RAPGEF5: variants seen among roughly 807,000 people sequenced by gnomAD.
RAPGEF5 encodes the protein Rap guanine nucleotide exchange factor 5, also known as M-Ras-regulated GEF.
In RAPGEF5, 65 loss-of-function variants were observed where a neutral mutation model predicts 125.2. The ratio of observed to expected loss-of-function variants is 0.52; its 90% CI spans 0.43 to 0.64. RAPGEF5 has a LOEUF of 0.64. RAPGEF5 is among the 30% of genes least tolerant of loss of function. RAPGEF5 has a pLI of 0.00. For missense variants in RAPGEF5, 958 were observed against 1,048.1 expected (o/e 0.91, Z 1.19); for synonymous variants, 391 against 385.9 (o/e 1.01, Z -0.16).
intron 9 of RAPGEF5, among the ~76,000 whole-genome samples, chr7:22,206,108 G>C (rs1158201415): frequency 6.6e-6 from 1 of 152,144 alleles, no homozygotes; most frequent in African/African-American, 2.4e-5. Context: ...GAATCTGGGG[G>C]GAAGGGTGTC....
intron 14 of RAPGEF5, among the ~76,000 whole-genome samples, chr7:22,158,317 T>C (rs907825580): frequency 6.6e-6 from 1 of 152,190 alleles, no homozygotes; most frequent in African/African-American, 2.4e-5. Context: ...AGGCACATCT[T>C]CTCCAGGATG....
intron 7 of RAPGEF5, among the ~76,000 whole-genome samples, chr7:22,247,247 T>C (rs1477820518): frequency 6.6e-6 from 1 of 152,128 alleles, no homozygotes; most frequent in Non-Finnish European, 1.5e-5. Context: ...CAAAAGAAAA[T>C]AAATCGTTCT....
chr7:22,128,904 T>A (rs1244488270), intron 24 of RAPGEF5, among the ~76,000 whole-genome samples: 1 of 152,246 alleles, frequency 6.6e-6, no homozygotes, highest in Non-Finnish European at 1.5e-5. Context: ...ATTTATGCCA[T>A]GCTATTCCCT....
intron 7 of RAPGEF5, among the ~76,000 whole-genome samples, chr7:22,247,777 T>C (rs140123080): frequency 6.6e-6 from 1 of 151,964 alleles, no homozygotes; most frequent in Non-Finnish European, 1.5e-5. Flanking sequence ...ATATATACCA[T>C]GAAATACTAT....
At chr7:22,161,086 T>C (rs1270596623) in intron 13 of RAPGEF5, among the ~76,000 whole-genome samples, 2 of 150,032 alleles carry the variant, frequency 1.3e-5, no homozygotes, top group Non-Finnish European at 3.0e-5. Context: ...CGGGCGCCTG[T>C]AATCCCCAGC....
chr7:22,205,740 T>A (rs983262453), intron 9 of RAPGEF5, among the ~76,000 whole-genome samples: 5 of 152,234 alleles, frequency 3.3e-5, no homozygotes, highest in Admixed American at 3.3e-4. Flanking sequence ...GATTTGGGAA[T>A]TCCAGATTTT....
intron 9 of RAPGEF5, 66 bp downstream of exon 9, chr7:22,219,800 C>T (rs780605811): frequency 2.2e-5 from 33 of 1,505,014 alleles, no homozygotes; most frequent in African/African-American, 2.8e-5. Flanking sequence ...TTCGTTCAAA[C>T]ATGCAATCAG....
At chr7:22,218,512 C>A (rs1488453273) in intron 9 of RAPGEF5, among the ~76,000 whole-genome samples, 1 of 152,160 alleles carries the variant, frequency 6.6e-6, no homozygotes, top group Non-Finnish European at 1.5e-5. Flanking sequence ...TTCATATCAT[C>A]AATTGTTAAG....
chr7:22,160,119 A>G (rs1423233071), intron 14 of RAPGEF5, among the ~76,000 whole-genome samples: 1 of 152,152 alleles, frequency 6.6e-6, no homozygotes, highest in East Asian at 1.9e-4. Context: ...AAAAAATAAA[A>G]TAAAATAAAA....
At chr7:22,280,826 ATC>A (rs1293101706) in intron 6 of RAPGEF5, among the ~76,000 whole-genome samples, 4 of 152,190 alleles carry the variant, frequency 2.6e-5, no homozygotes, top group Non-Finnish European at 5.9e-5. Flanking sequence ...TATGAGTTTA[ATC>A]TCTGACATCT....
intron 1 of RAPGEF5, among the ~76,000 whole-genome samples, chr7:22,323,191 AGTCT>A (rs1783750197): frequency 6.6e-6 from 1 of 152,220 alleles, no homozygotes; most frequent in Admixed American, 6.5e-5. Flanking sequence ...CTTCAGAAAG[AGTCT>A]ACCCTTTTAA....
intron 9 of RAPGEF5, among the ~76,000 whole-genome samples, chr7:22,200,347 G>T (rs1785248024): frequency 6.6e-6 from 1 of 152,120 alleles, no homozygotes; most frequent in Non-Finnish European, 1.5e-5. Flanking sequence ...AATATTGCTG[G>T]CAAGATAGAA....
rs180871876 is a variant in RAPGEF5, at chr7:22,141,063, A to G, written c.2187-948T>C. ...TCTGACCTCTCCACCAATGTCTCAC[A>G]TGGAATCTGGGAATAGTGTAGATCT... On this transcript the variant is annotated intron_variant, in intron 20 of 25. Coordinates refer to ENST00000665637, the MANE Select transcript of RAPGEF5 (RefSeq NM_012294.5). 3.8e-3 allele frequency among the ~76,000 whole-genome samples: 574 copies of G among 151,890 alleles called. 5 individuals are homozygous for G. The highest frequency in any genetic ancestry group is 0.024 in the South Asian group (118 of 4,826).
At chr7:22,287,029 G>A (rs1324915765) in intron 6 of RAPGEF5, among the ~76,000 whole-genome samples, 1 of 152,210 alleles carries the variant, frequency 6.6e-6, no homozygotes, top group African/African-American at 2.4e-5. Context: ...AAGCTGATAA[G>A]TTAGAATGCG....
At chr7:22,224,650 G>A (rs1785873225) in intron 8 of RAPGEF5, among the ~76,000 whole-genome samples, 1 of 152,010 alleles carries the variant, frequency 6.6e-6, no homozygotes, top group Non-Finnish European at 1.5e-5. Flanking sequence ...GGGAATGGAG[G>A]CCCAGACAGT....
At chr7:22,172,150 T>A (rs1298881102) in intron 11 of RAPGEF5, among the ~76,000 whole-genome samples, 1 of 151,914 alleles carries the variant, frequency 6.6e-6, no homozygotes, top group Non-Finnish European at 1.5e-5. Context: ...TGAGATGGAG[T>A]CTCACTCTGG....
intron 6 of RAPGEF5, among the ~76,000 whole-genome samples, chr7:22,277,974 C>A (rs1249399004): frequency 2.0e-5 from 3 of 152,108 alleles, no homozygotes; most frequent in East Asian, 1.9e-4. Flanking sequence ...TTTGGGGGAC[C>A]ATTTTACCCG....
chr7:22,272,653 A>C (rs1462912859), intron 6 of RAPGEF5, among the ~76,000 whole-genome samples: 1 of 152,212 alleles, frequency 6.6e-6, no homozygotes, highest in Non-Finnish European at 1.5e-5. Context: ...ATTCCCAAAA[A>C]ATATACAACT....
In RAPGEF5 at chr7:22,131,623, A is replaced by G. The variant is rs79563243; in HGVS notation, c.2417-522T>C. Among the ~76,000 whole-genome samples the G allele has an allele frequency of 2.3e-3, 355 of 152,350 alleles. 1 individual carries two copies. The highest frequency in any genetic ancestry group is 8.0e-3 in the African/African-American group (333 of 41,594). ...GTTGATGTCTGATTGTGTACCAGGA[A>G]TAAGTGAGGAAAGAGGCAGGCTTGA... is the stretch of plus-strand genomic sequence containing the variant. On this transcript the variant is annotated intron_variant, in intron 23 of 25. Coordinates refer to ENST00000665637, the MANE Select transcript of RAPGEF5 (RefSeq NM_012294.5).
Sources: gnomAD v4.1 joint callset for allele counts (sites outside exome capture counted in the v4.1 genomes callset) on GRCh38, gnomAD v4.1.1 for gene constraint, MANE v1.5 for transcripts, NCBI Gene and HGNC (gene_info 2026-07-23, HGNC 2026-07-21) for gene names.